Variants in ATXN1 observed in about 807,000 individuals in gnomAD.
ATXN1 encodes the protein ataxin 1.
A neutral mutation model predicts 56.4 loss-of-function variants in ATXN1; 8 were observed. The observed-to-expected ratio is 0.14, with a 90% CI of 0.08 to 0.26. The LOEUF (loss-of-function observed/expected upper bound fraction) is 0.26. ATXN1 is among the 10% of genes least tolerant of loss of function. ATXN1 has a pLI of 1.00. For missense variants in ATXN1, 987 were observed against 1,106.5 expected, an observed-to-expected ratio of 0.89 and a Z score of 1.53; for synonymous variants, 514 against 494.6, an observed-to-expected ratio of 1.04 and a Z score of -0.52.
At chr6:16,467,145 G>A (rs1384182955) in intron 6 of ATXN1, among the ~76,000 whole-genome samples, 2 of 152,204 alleles carry the variant, frequency 1.3e-5, no homozygotes, top group Admixed American at 6.5e-5. Context: ...CCCTGGGCGG[G>A]GAGACAGACC....
At chr6:16,384,957 A>G (rs1758208562) in intron 6 of ATXN1, among the ~76,000 whole-genome samples, 1 of 152,216 alleles carries the variant, frequency 6.6e-6, no homozygotes, top group Non-Finnish European at 1.5e-5. Context: ...GACACTAAAA[A>G]TCTTACATAT....
chr6:16,372,317 T>C (rs949016301), intron 6 of ATXN1, among the ~76,000 whole-genome samples: 2 of 151,740 alleles, frequency 1.3e-5, no homozygotes, highest in South Asian at 2.1e-4. Flanking sequence ...GCCAGAGATA[T>C]GGACAGAAAC....
chr6:16,606,583 C>T (rs1358085739), intron 3 of ATXN1, among the ~76,000 whole-genome samples: 4 of 151,626 alleles, frequency 2.6e-5, no homozygotes, highest in South Asian at 2.1e-4. Flanking sequence ...GGCTGGAGTC[C>T]GGTGGTGCGA....
At chr6:16,593,927 T>C (rs991880331) in intron 3 of ATXN1, among the ~76,000 whole-genome samples, 2 of 147,974 alleles carry the variant, frequency 1.4e-5, no homozygotes, top group Admixed American at 6.8e-5. Flanking sequence ...TCTGGAGAGA[T>C]AGAAGCTAAT....
At chr6:16,723,709 T>C (rs1317482372) in intron 2 of ATXN1, among the ~76,000 whole-genome samples, 1 of 152,142 alleles carries the variant, frequency 6.6e-6, no homozygotes, top group East Asian at 1.9e-4. Context: ...TTAAAATTAA[T>C]AACATAGTGC....
intron 2 of ATXN1, among the ~76,000 whole-genome samples, chr6:16,668,629 A>G (rs2113378038): frequency 6.6e-6 from 1 of 152,200 alleles, no homozygotes; most frequent in African/African-American, 2.4e-5. Flanking sequence ...CTGAAATAGA[A>G]TAAAGTAGGA....
Position 16,761,351 on chromosome 6 carries a change from G to T in ATXN1, c.-783C>A, listed in dbSNP as rs891461950. The T allele has an allele frequency of 2.2e-5, 10 of 456,406 alleles. No individual in the cohort carries two copies. Among genetic ancestry groups the T allele is most frequent in the African/African-American group, 2.0e-4 (10 of 49,964 alleles). 28.3% of individuals were successfully genotyped at this position (456,406 alleles called of 1,614,324 possible). ...GTGGGGAAGGGGGGGCAGAGGGAGA[G>T]AAACAATGTCTTGCGGCTGCTGTTG... is the stretch of plus-strand genomic sequence containing the variant. On this transcript the variant is annotated 5_prime_UTR_variant, in exon 1 of 8. Transcript: ENST00000436367.
At chr6:16,492,515 A>T (rs902562501) in intron 5 of ATXN1, among the ~76,000 whole-genome samples, 10 of 152,088 alleles carry the variant, frequency 6.6e-5, no homozygotes, top group African/African-American at 2.4e-4. Flanking sequence ...GTAGTTTGTC[A>T]TACAGCAATA....
chr6:16,428,935 G>A (rs1308494650), intron 6 of ATXN1, among the ~76,000 whole-genome samples: 2 of 152,158 alleles, frequency 1.3e-5, no homozygotes, highest in African/African-American at 2.4e-5. Flanking sequence ...ATTTTGACGG[G>A]CTGGGTCAGA....
At chr6:16,623,219 C>T (rs545985442) in intron 3 of ATXN1, among the ~76,000 whole-genome samples, 1 of 152,228 alleles carries the variant, frequency 6.6e-6, no homozygotes, top group South Asian at 2.1e-4. Flanking sequence ...CTAGGAAACA[C>T]CTAGAAGGAA....
At chr6:16,625,246 C>T (rs1348925847) in intron 3 of ATXN1, among the ~76,000 whole-genome samples, 1 of 152,222 alleles carries the variant, frequency 6.6e-6, no homozygotes. Flanking sequence ...GTACTACCTA[C>T]CCTGGGAGCA....
At chr6:16,393,227 T>A (rs759698529) in intron 6 of ATXN1, among the ~76,000 whole-genome samples, 6 of 152,094 alleles carry the variant, frequency 3.9e-5, no homozygotes, top group African/African-American at 7.2e-5. Context: ...AGTGGCTTTT[T>A]AAATTTTTAA....
intron 2 of ATXN1, among the ~76,000 whole-genome samples, chr6:16,665,186 A>T (rs976601329): frequency 1.3e-5 from 2 of 152,218 alleles, no homozygotes; most frequent in African/African-American, 2.4e-5. Context: ...AAACTCAATA[A>T]GTGGTAGTTT....
At chr6:16,367,806 G>C (rs1036638481) in intron 6 of ATXN1, among the ~76,000 whole-genome samples, 3 of 151,368 alleles carry the variant, frequency 2.0e-5, no homozygotes, top group Non-Finnish European at 2.9e-5. Context: ...CAAAAATGTG[G>C]TATGGTTCCT....
At chr6:16,578,171 T>C (rs940944022) in intron 4 of ATXN1, among the ~76,000 whole-genome samples, 1 of 152,230 alleles carries the variant, frequency 6.6e-6, no homozygotes, top group African/African-American at 2.4e-5. Flanking sequence ...CTCTAAATTT[T>C]TTGGTAACGT....
intron 2 of ATXN1, among the ~76,000 whole-genome samples, chr6:16,661,894 A>G (rs569798380): frequency 6.6e-6 from 1 of 152,320 alleles, no homozygotes; most frequent in East Asian, 1.9e-4. Flanking sequence ...CTACAACCTC[A>G]TGAAAGACTT....
intron 2 of ATXN1, among the ~76,000 whole-genome samples, chr6:16,714,424 C>A (rs565695819): frequency 6.6e-5 from 10 of 152,276 alleles, no homozygotes; most frequent in African/African-American, 2.4e-4. Flanking sequence ...TCCCCTGAAG[C>A]TTTTCCAATC....
intron 4 of ATXN1, among the ~76,000 whole-genome samples, chr6:16,566,805 G>A (rs185021243): frequency 4.0e-4 from 60 of 151,816 alleles, no homozygotes; most frequent in Middle Eastern, 3.4e-3. Flanking sequence ...GCAGTGAGCC[G>A]AGATCACACC....
rs146120250 is a variant in ATXN1 at position 16,642,214 on chromosome 6, G to A, written c.-489+15562C>T. 3.5e-4 allele frequency among the ~76,000 whole-genome samples: 54 copies of A among 152,266 alleles called. No individual in the cohort carries two copies. The East Asian group carries it at 9.8e-3, about 28-fold the overall frequency. On this transcript the variant is annotated intron_variant, in intron 3 of 7. Transcript: ENST00000436367. Reference sequence around the variant, plus strand: ...CATCCTGGCTAACACAGCTAACATTGTGAAACCCATCTCTACTAAAAATAC... The same window carrying A: ...CATCCTGGCTAACACAGCTAACATTATGAAACCCATCTCTACTAAAAATAC...
Sources: gnomAD v4.1 joint callset for allele counts (sites outside exome capture counted in the v4.1 genomes callset) on GRCh38, gnomAD v4.1.1 for gene constraint, MANE v1.5 for transcripts, NCBI Gene and HGNC (gene_info 2026-07-23, HGNC 2026-07-21) for gene names.